Variants in CBX6 observed in about 807,000 individuals in gnomAD.
The protein encoded by CBX6 is chromobox protein homolog 6.
Under a neutral mutation model 28.4 loss-of-function variants are expected in CBX6, and 7 were observed. The ratio of observed to expected loss-of-function variants is 0.25; its 90% CI spans 0.14 to 0.46. The LOEUF (loss-of-function observed/expected upper bound fraction) is 0.46, where lower values mean the gene tolerates loss of function less well. Ranked by LOEUF, CBX6 falls within the 20% of genes least tolerant of loss-of-function variation. The probability of loss-of-function intolerance (pLI) is 0.99; values close to 1 mark genes in which losing one functional copy is unlikely to be tolerated. For synonymous variants in CBX6, 297 were observed against 273.4 expected (o/e 1.09, Z -0.85); for missense variants, 512 against 606.1 (o/e 0.84, Z 1.63).
chr22:38,866,627 C>A lies in CBX6; in HGVS notation c.821G>T (p.Gly274Val). ...PAAPYDARSS[G>V]SSGCPSPTPQ... ...TGTAGGCGAGGGGCAGCCGGAGGAGCCAGAGCTGCGGGCGTCGTAGGGGGC... is the reference window on the plus strand; with the variant it reads ...TGTAGGCGAGGGGCAGCCGGAGGAGACAGAGCTGCGGGCGTCGTAGGGGGC... The change falls in exon 5 of 5, where the codon GGC (glycine) becomes GTC (valine). Residue 274 changes from glycine to valine, a missense_variant. Around this residue, in one of 7 missense-constraint regions of CBX6, gnomAD observed 290 missense variants for 274.1 expected, o/e 1.06. Transcript: ENST00000407418. This position sits in a 1 kb window ranked among gnomAD's most constrained non-coding sequence, Gnocchi z 7.5. 1 of 1,501,768 alleles carries A rather than the reference C, an allele frequency of 6.7e-7. No homozygotes were observed. Among genetic ancestry groups the A allele is most frequent in the African/African-American group, 1.5e-5 (1 of 67,924 alleles). 93.0% of individuals were successfully genotyped at this position (1,501,768 alleles called of 1,614,324 possible).
At position 38,872,207 on chromosome 22, in the gene CBX6, C is replaced by A; in HGVS notation, c.-17G>T. On this transcript the variant is annotated 5_prime_UTR_variant, in exon 1 of 5. Coordinates refer to ENST00000407418, the MANE Select transcript of CBX6 (RefSeq NM_014292.5). This position sits in a 1 kb window ranked among gnomAD's most constrained non-coding sequence, Gnocchi z 5.0. ...CAGCTCCATCTTGCTCAGCGGCACC[C>A]ACAGCCCATAATACTCCCTGCGCCC... 7.2e-7 allele frequency: 1 copy of A among 1,380,566 alleles called. No homozygotes were observed. Among genetic ancestry groups the A allele is most frequent in the Non-Finnish European group, 9.6e-7 (1 of 1,046,552 alleles). The allele number at this position is 1,380,566 out of a possible 1,614,324, so 85.5% of individuals were successfully genotyped here. A position where few individuals can be genotyped will look rare whatever the true frequency, so the allele number is the denominator to read the frequency against.
At chr22:38,869,126 G>C (rs2093176814) in intron 4 of CBX6, among the ~76,000 whole-genome samples, 1 of 152,230 alleles carries the variant, frequency 6.6e-6, no homozygotes, top group African/African-American at 2.4e-5. Flanking sequence ...CCACACAAAG[G>C]CAGGGAAAAG....
In CBX6 at chr22:38,871,038, G is replaced by T. The variant is rs760331648; in HGVS notation, c.246+442C>A. 1.1e-5 allele frequency: 2 copies of T among 175,640 alleles called. No individual in the cohort carries two copies. The highest frequency in any genetic ancestry group is 2.4e-5 in the Non-Finnish European group (2 of 82,332). The allele number at this position is 175,640 out of a possible 1,614,324, so 10.9% of individuals were successfully genotyped here. ...AACAAATCCTGAAAGACTGAACGGG[G>T]GAAGCTGGGGGCAGGGAGGCAGGTG... On this transcript the variant is annotated intron_variant, in intron 4 of 4. Coordinates refer to ENST00000407418, the MANE Select transcript of CBX6 (RefSeq NM_014292.5). The surrounding 1 kb of genome is among the most constrained non-coding windows in gnomAD (Gnocchi z 5.6).
rs2093159996 is a variant in CBX6, at chr22:38,862,556, A to AAAAC, written c.*3652_*3653insGTTT. The AAAAC allele has an allele frequency of 6.6e-6, 1 of 151,666 alleles. No homozygotes were observed. The highest frequency in any genetic ancestry group is 1.5e-5 in the Non-Finnish European group (1 of 68,328). 9.4% of individuals were successfully genotyped at this position (151,666 alleles called of 1,614,324 possible). ...AAAAAAAAAAAAAAAGAAAGAAAGA[A>AAAAC]AAAAGAAAAACAAAAGAAAAAAGAA... is the stretch of plus-strand genomic sequence containing the variant. On this transcript the variant is annotated 3_prime_UTR_variant, in exon 5 of 5. Transcript: ENST00000407418.
chr22:38,868,958 C>CTG (rs965444701), intron 4 of CBX6, among the ~76,000 whole-genome samples: 3 of 152,194 alleles, frequency 2.0e-5, no homozygotes, highest in Non-Finnish European at 2.9e-5. Context: ...GGAGAAGGGA[C>CTG]TGTGACTCCA....
rs545936452 is a variant in CBX6 at position 38,867,806 on chromosome 22, T to C, written c.247-605A>G. Among the ~76,000 whole-genome samples the C allele has an allele frequency of 5.9e-5, 9 of 152,358 alleles. No individual in the cohort carries two copies. The South Asian group carries it at 1.9e-3, about 32-fold the overall frequency. ...CAGCACCTCAGCCACCATACTTCCC[T>C]GGATGGGTCTCATTTACTTGTCTGC... On this transcript the variant is annotated intron_variant, in intron 4 of 4. Coordinates refer to ENST00000407418, the MANE Select transcript of CBX6 (RefSeq NM_014292.5).
At position 38,870,139 on chromosome 22, in the gene CBX6, C is replaced by A. The variant is rs540764727; in HGVS notation, c.246+1341G>T. 1 of 152,336 alleles carries A rather than the reference C, an allele frequency of 6.6e-6. No homozygotes were observed. Among genetic ancestry groups the A allele is most frequent in the South Asian group, 2.1e-4 (1 of 4,824 alleles). The allele number at this position is 152,336 out of a possible 1,614,324, so 9.4% of individuals were successfully genotyped here. A position where few individuals can be genotyped will look rare whatever the true frequency, so the allele number is the denominator to read the frequency against. ...TTAACCTGACATGGACTACTCAAGG[C>A]ACAAGATGAAGAAAAGGAGACAGGA... On this transcript the variant is annotated intron_variant, in intron 4 of 4. Transcript: ENST00000407418. The surrounding 1 kb of genome is among the most constrained non-coding windows in gnomAD (Gnocchi z 4.3).
At position 38,867,025 on chromosome 22, in the gene CBX6, C is replaced by A; in HGVS notation, c.423G>T (p.Gly141=). The change falls in exon 5 of 5, where the codon GGG becomes GGT. Residue 141 remains glycine, a synonymous_variant. Coordinates refer to ENST00000407418, the MANE Select transcript of CBX6 (RefSeq NM_014292.5). ...RRPLPRPDPQ[G]GSPGLRPPIS... ...TGGGCGGGCGCAGTCCGGGGCTGCC[C>A]CCCTGCGGGTCCGGGCGGGGCAGGG... 6.2e-7 allele frequency: 1 copy of A among 1,605,472 alleles called. No individual in the cohort carries two copies. The highest frequency in any genetic ancestry group is 1.1e-5 in the South Asian group (1 of 90,518).
intron 4 of CBX6, among the ~76,000 whole-genome samples, chr22:38,867,413 G>A (rs915251178): frequency 2.8e-4 from 42 of 152,314 alleles, no homozygotes; most frequent in African/African-American, 9.4e-4. Flanking sequence ...TCAGAGTCAG[G>A]ACACCCTTGT....
At position 38,866,538 on chromosome 22, in the gene CBX6, C is replaced by T. The variant is rs1285494526; in HGVS notation, c.910G>A (p.Ala304Thr). The change falls in exon 5 of 5, where the codon GCC becomes ACC. Residue 304 changes from alanine (A) to threonine (T), a missense_variant. Transcript: ENST00000407418. This position sits in a 1 kb window ranked among gnomAD's most constrained non-coding sequence, Gnocchi z 7.5. Reference sequence around the variant, plus strand: ...ACCTCCGGCTCGCGCCAGCTGGGGGCGGATGGGCTCACGGTCTCGGGGAGG... The same window carrying T: ...ACCTCCGGCTCGCGCCAGCTGGGGGTGGATGGGCTCACGGTCTCGGGGAGG... ...KLLPETVSPS[A>T]PSWREPEVLD... is the part of the protein sequence containing the mutation. 6.3e-7 allele frequency: 1 copy of T among 1,579,250 alleles called. No homozygotes were observed. Among genetic ancestry groups the T allele is most frequent in the East Asian group, 2.3e-5 (1 of 43,984 alleles).
Position 38,871,365 on chromosome 22 carries a change from C to G in CBX6, c.246+115G>C. 1 of 1,093,106 alleles carries G rather than the reference C, an allele frequency of 9.1e-7. No homozygotes were observed. The highest frequency in any genetic ancestry group is 1.3e-6 in the Non-Finnish European group (1 of 755,138). The allele number at this position is 1,093,106 out of a possible 1,614,324, so 67.7% of individuals were successfully genotyped here. ...CACCCCCTGCCCAGCTGGGGCCCCT[C>G]TGAAAAGGCCGGCCCGCTTGGGCGG... On this transcript the variant is annotated intron_variant, in intron 4 of 4. Coordinates refer to ENST00000407418, the MANE Select transcript of CBX6 (RefSeq NM_014292.5). This position sits in a 1 kb window ranked among gnomAD's most constrained non-coding sequence, Gnocchi z 5.6.
Position 38,861,846 on chromosome 22 carries a change from AAAAG to A in CBX6, c.*4359_*4362del, listed in dbSNP as rs1367783751. 1 of 152,262 alleles carries A rather than the reference AAAAG, an allele frequency of 6.6e-6. No homozygotes were observed. Among genetic ancestry groups the A allele is most frequent in the Non-Finnish European group, 1.5e-5 (1 of 68,052 alleles). The allele number at this position is 152,262 out of a possible 1,614,324, so 9.4% of individuals were successfully genotyped here. On this transcript the variant is annotated 3_prime_UTR_variant, in exon 5 of 5. Transcript: ENST00000407418. ...ACACTTCATTTTAAAAATGAGAGAA[AAAAG>A]AGACAGTGCCCCTCCCCAAATATAG...
At chr22:38,869,203 A>G (rs1283915420) in intron 4 of CBX6, among the ~76,000 whole-genome samples, 2 of 152,202 alleles carry the variant, frequency 1.3e-5, no homozygotes, top group Non-Finnish European at 2.9e-5. Flanking sequence ...TGACTCTCAG[A>G]AAGTGTTTAC....
Position 38,872,176 on chromosome 22 carries a change from T to C in CBX6, c.15A>G (p.Ala5=), listed in dbSNP as rs770476621. ...CGGCCGCGAAGACCCGCTCGCCCACTGCAGACAGCTCCATCTTGCTCAGCG... is the reference window on the plus strand; with the variant it reads ...CGGCCGCGAAGACCCGCTCGCCCACCGCAGACAGCTCCATCTTGCTCAGCG... MELS[A]VGERVFAAES... The change falls in exon 1 of 5, where the codon GCA becomes GCG. Residue 5 remains alanine, a synonymous_variant. Transcript: ENST00000407418. The surrounding 1 kb of genome is among the most constrained non-coding windows in gnomAD (Gnocchi z 5.0). The C allele has an allele frequency of 3.2e-5, 46 of 1,415,632 alleles. No individual in the cohort carries two copies. The highest frequency in any genetic ancestry group is 3.7e-5 in the Non-Finnish European group (40 of 1,067,182). 87.7% of individuals were successfully genotyped at this position (1,415,632 alleles called of 1,614,324 possible). A position where few individuals can be genotyped will look rare whatever the true frequency, so the allele number is the denominator to read the frequency against.
At position 38,866,215 on chromosome 22, in the gene CBX6, G is replaced by T; in HGVS notation, c.1233C>A (p.Ser411Arg). The T allele has an allele frequency of 6.2e-7, 1 of 1,601,254 alleles. No individual in the cohort carries two copies. ...AAGGGGSIGA[S>R]K is the part of the protein sequence containing the mutation. Reference sequence around the variant, plus strand: ...CCTCCTTGGTGGAGCCCCCTCACTTGCTCGCCCCAATGCTGCCACCGCCCC... The same window carrying T: ...CCTCCTTGGTGGAGCCCCCTCACTTTCTCGCCCCAATGCTGCCACCGCCCC... Residue 411 changes from serine to arginine, a missense_variant, in exon 5 of 5, where the codon AGC (serine) becomes AGA (arginine). By Grantham distance (110) the Ser-to-Arg change is moderately radical. This residue lies in a region of CBX6 where 33 missense variants were observed against 35.3 expected (regional missense o/e 0.94). Transcript: ENST00000407418. The surrounding 1 kb of genome is among the most constrained non-coding windows in gnomAD (Gnocchi z 7.5).
rs1245059087 is a variant in CBX6 at position 38,862,642 on chromosome 22, CCT to C, written c.*3565_*3566del. On this transcript the variant is annotated 3_prime_UTR_variant, in exon 5 of 5. Coordinates refer to ENST00000407418, the MANE Select transcript of CBX6 (RefSeq NM_014292.5). ...AAGAGTGGGCAAAAGGGGGATGTGT[CCT>C]CTTGGGTCCCCATAGGCCAGAGAGG... 2 of 152,138 alleles carry C rather than the reference CCT, an allele frequency of 1.3e-5. No individual in the cohort carries two copies. Among genetic ancestry groups the C allele is most frequent in the Non-Finnish European group, 1.5e-5 (1 of 68,108 alleles). 9.4% of individuals were successfully genotyped at this position (152,138 alleles called of 1,614,324 possible). A position where few individuals can be genotyped will look rare whatever the true frequency, so the allele number is the denominator to read the frequency against.
rs369765424 is a variant in CBX6 at position 38,871,777 on chromosome 22, C to T, written c.114-20G>A. The T allele has an allele frequency of 9.5e-5, 152 of 1,605,128 alleles. No homozygotes were observed. The highest frequency in any genetic ancestry group is 1.2e-4 in the Non-Finnish European group (143 of 1,174,348). ...CTGTACCTGCCGAGTCACAAACGCA[C>T]AAAATCAGGATGAAGACCAGAGAGG... On this transcript the variant is annotated intron_variant, in intron 2 of 4. Coordinates refer to ENST00000407418, the MANE Select transcript of CBX6 (RefSeq NM_014292.5). This position sits in a 1 kb window ranked among gnomAD's most constrained non-coding sequence, Gnocchi z 5.6.
At position 38,866,839 on chromosome 22, in the gene CBX6, G is replaced by A. The variant is rs778820643; in HGVS notation, c.609C>T (p.Pro203=). ...TCTTGCCTATAACGCGGTTCCGCGA[G>A]GGGACTTTGGGGCGGGCCAGCGCCC... ...GAGALARPKV[P]SRNRVIGKSK... is the part of the protein sequence containing the mutation. The change falls in exon 5 of 5, where the codon CCC becomes CCT. Residue 203 remains proline, a synonymous_variant. Transcript: ENST00000407418. This position sits in a 1 kb window ranked among gnomAD's most constrained non-coding sequence, Gnocchi z 7.5. 9 of 1,611,500 alleles carry A rather than the reference G, an allele frequency of 5.6e-6. No individual in the cohort carries two copies. The African/African-American group carries it at 1.2e-4, about 22-fold the overall frequency.
chr22:38,864,393 C>G lies in CBX6; in HGVS notation c.*1816G>C, dbSNP rs1173833597. ...TCTCTGGAAACACCTGTAACTGGCA[C>G]CCAGGTGGTCACTCACCTGGGGGAG... On this transcript the variant is annotated 3_prime_UTR_variant, in exon 5 of 5. Coordinates refer to ENST00000407418, the MANE Select transcript of CBX6 (RefSeq NM_014292.5). 2 of 152,310 alleles carry G rather than the reference C, an allele frequency of 1.3e-5. No homozygotes were observed. Among genetic ancestry groups the G allele is most frequent in the African/African-American group, 2.4e-5 (1 of 41,240 alleles). The allele number at this position is 152,310 out of a possible 1,614,324, so 9.4% of individuals were successfully genotyped here. A position where few individuals can be genotyped will look rare whatever the true frequency, so the allele number is the denominator to read the frequency against.
Sources: allele counts gnomAD v4.1 joint callset (sites outside exome capture counted in the v4.1 genomes callset), GRCh38; gene constraint gnomAD v4.1.1; regional missense constraint gnomAD v4.1.1; non-coding constraint Gnocchi (gnomAD v3.1); transcripts MANE v1.5; gene names NCBI Gene and HGNC (gene_info 2026-07-23, HGNC 2026-07-21).